The following RBCK1 variants were observed in gnomAD, a reference collection of about 807,000 sequenced individuals.
RBCK1 encodes the protein ranBP-type and C3HC4-type zinc finger-containing protein 1.
RBCK1 carries 44 observed loss-of-function variants against 71.1 expected under a neutral mutation model. The ratio of observed to expected loss-of-function variants is 0.62; its 90% CI spans 0.49 to 0.80. RBCK1 has a LOEUF of 0.80. Ranked by LOEUF, RBCK1 falls within the 30% of genes least tolerant of loss-of-function variation. RBCK1 has a pLI of 0.00. For missense variants in RBCK1, 569 were observed against 685.0 expected, an observed-to-expected ratio of 0.83 and a Z score of 1.89; for synonymous variants, 306 against 279.7, an observed-to-expected ratio of 1.09 and a Z score of -0.94.
At chr20:408,897 A>T (rs1195615593) in intron 1 of RBCK1, 118 bp downstream of exon 1, 1 of 1,199,922 alleles carries the variant, frequency 8.3e-7, no homozygotes, top group Non-Finnish European at 1.2e-6. Context: ...CCCTCCCTCT[A>T]CCCTCCTCCC....
chr20:421,429 G>A (rs774714482), intron 7 of RBCK1, among the ~76,000 whole-genome samples: 42 of 152,198 alleles, frequency 2.8e-4, no homozygotes, highest in Non-Finnish European at 5.0e-4. Context: ...GCGGACCCTT[G>A]TGGAGCCGCC....
chr20:408,847 C>T (rs552054205), intron 1 of RBCK1, 68 bp downstream of exon 1: 22 of 1,560,408 alleles, frequency 1.4e-5, no homozygotes, highest in Admixed American at 1.3e-4. Flanking sequence ...CCTGGCCTTG[C>T]CCCTGGCCAG....
At chr20:427,283 C>A in intron 8 of RBCK1, 30 bp from the exon 9 acceptor site, 1 of 1,609,294 alleles carries the variant, frequency 6.2e-7, no homozygotes, top group Non-Finnish European at 8.5e-7. Flanking sequence ...GTTCTGAATC[C>A]TGAGCAGCAA....
At chr20:424,162 A>G (rs978367807) in intron 8 of RBCK1, among the ~76,000 whole-genome samples, 4 of 152,208 alleles carry the variant, frequency 2.6e-5, no homozygotes, top group Non-Finnish European at 5.9e-5. Context: ...GTGTGTCTGC[A>G]TACGTGTGTG....
chr20:426,816 CTTTT>C (rs768525416), intron 8 of RBCK1, among the ~76,000 whole-genome samples: 32 of 95,470 alleles, frequency 3.4e-4, no homozygotes, highest in African/African-American at 1.1e-3. Flanking sequence ...TTTTCTTTTC[CTTTT>C]TTTTTTTTTT....
In RBCK1 at chr20:422,450, G is replaced by A. The variant is rs1466591275; in HGVS notation, c.1029+212G>A. 1.3e-5 allele frequency among the ~76,000 whole-genome samples: 2 copies of A among 151,948 alleles called. No individual in the cohort carries two copies. Among genetic ancestry groups the A allele is most frequent in the Non-Finnish European group, 2.9e-5 (2 of 68,010 alleles). ...TTCAAGAGCTTTGTCCATGTGGGGTGTTGAGACCCCAAGCAGAAAAAGAAT... is the reference window on the plus strand; with the variant it reads ...TTCAAGAGCTTTGTCCATGTGGGGTATTGAGACCCCAAGCAGAAAAAGAAT... On this transcript the variant is annotated intron_variant, in intron 8 of 11. Coordinates refer to ENST00000356286, the MANE Select transcript of RBCK1 (RefSeq NM_031229.4). This position sits in a 1 kb window ranked among gnomAD's most constrained non-coding sequence, Gnocchi z 5.0.
At chr20:424,633 C>T (rs1297341020) in intron 8 of RBCK1, among the ~76,000 whole-genome samples, 3 of 152,166 alleles carry the variant, frequency 2.0e-5, no homozygotes, top group Non-Finnish European at 4.4e-5. Context: ...GAGGCTCCTT[C>T]GCTCTGGCCT....
Position 408,600 on chromosome 20 carries a change from C to A in RBCK1, c.-158C>A. On this transcript the variant is annotated 5_prime_UTR_variant, in exon 1 of 12. An upstream open reading frame in the 5' UTR gains an earlier in-frame stop. Transcript: ENST00000356286. ...CGGGCAGTGTGATGCTTCCCGACTGCCGCGGGGACAGCGAGGCACACACAG... is the reference window on the plus strand; with the variant it reads ...CGGGCAGTGTGATGCTTCCCGACTGACGCGGGGACAGCGAGGCACACACAG... 1 of 895,192 alleles carries A rather than the reference C, an allele frequency of 1.1e-6. No homozygotes were observed. Among genetic ancestry groups the A allele is most frequent in the Non-Finnish European group, 1.8e-6 (1 of 563,540 alleles). 55.5% of individuals were successfully genotyped at this position (895,192 alleles called of 1,614,324 possible).
intron 8 of RBCK1, among the ~76,000 whole-genome samples, chr20:426,042 C>T (rs1053648396): frequency 3.3e-5 from 5 of 152,164 alleles, no homozygotes; most frequent in Non-Finnish European, 5.9e-5. Context: ...CTCAGTGCTA[C>T]GTACTAGCTT....
chr20:420,093 G>A, intron 6 of RBCK1: 1 of 984,192 alleles, frequency 1.0e-6, no homozygotes, highest in Non-Finnish European at 1.2e-6. Flanking sequence ...CCACACCTCA[G>A]CTCGGACCTC....
intron 2 of RBCK1, chr20:410,591 G>C (rs1434523089): frequency 2.6e-6 from 2 of 778,996 alleles, no homozygotes; most frequent in Non-Finnish European, 4.8e-6. Flanking sequence ...AGCTTGAGGG[G>C]AGACTGTATA....
At position 419,701 on chromosome 20, in the gene RBCK1, C is replaced by A. The variant is rs866809178; in HGVS notation, c.726C>A (p.Gly242=). The part of the protein sequence containing the change: ...PDEEERARLA[G]EEEALRQYQQ... ...AGGAGGAGCGAGCGCGCCTGGCGGG[C>A]GAGGAGGAGGCGCTGCGTCAGTACC... is the stretch of plus-strand genomic sequence containing the variant. The change falls in exon 6 of 12, where the codon GGC becomes GGA. Residue 242 remains glycine (G), a synonymous_variant. Coordinates refer to ENST00000356286, the MANE Select transcript of RBCK1 (RefSeq NM_031229.4). 2 of 1,570,462 alleles carry A rather than the reference C, an allele frequency of 1.3e-6. No homozygotes were observed. Among genetic ancestry groups the A allele is most frequent in the Middle Eastern group, 1.7e-4 (1 of 5,982 alleles).
In RBCK1 at chr20:430,252, G is replaced by A. The variant is rs2016948463; in HGVS notation, c.1453-98G>A. ...GCTGACCAGGCCATTCTTGCAGGAG[G>A]ACCTGCAGAGGCAAAGGCCCGGGGT... On this transcript the variant is annotated intron_variant, in intron 11 of 11. Coordinates refer to ENST00000356286, the MANE Select transcript of RBCK1 (RefSeq NM_031229.4). The surrounding 1 kb of genome is among the most constrained non-coding windows in gnomAD (Gnocchi z 5.6). 3 of 1,052,496 alleles carry A rather than the reference G, an allele frequency of 2.9e-6. No individual in the cohort carries two copies. The highest frequency in any genetic ancestry group is 4.4e-4 in the Middle Eastern group (2 of 4,550). The allele number at this position is 1,052,496 out of a possible 1,614,324, so 65.2% of individuals were successfully genotyped here.
intron 2 of RBCK1, among the ~76,000 whole-genome samples, chr20:413,334 A>G (rs1358782): frequency 0.79 from 120,709 of 151,916 alleles, 48,179 homozygotes; most frequent in East Asian, 0.92. Flanking sequence ...AACAACTGGG[A>G]ATTTTGGTAG....
chr20:412,422 G>A (rs1212252821), intron 2 of RBCK1, among the ~76,000 whole-genome samples: 1 of 151,860 alleles, frequency 6.6e-6, no homozygotes, highest in African/African-American at 2.4e-5. Flanking sequence ...CCAGGTTCAA[G>A]TGATTCTCCT....
Position 422,086 on chromosome 20 carries a change from G to A in RBCK1, c.918-41G>A. 2 of 1,532,104 alleles carry A rather than the reference G, an allele frequency of 1.3e-6. No individual in the cohort carries two copies. The highest frequency in any genetic ancestry group is 2.3e-5 in the East Asian group (1 of 44,368). 94.9% of individuals were successfully genotyped at this position (1,532,104 alleles called of 1,614,324 possible). On this transcript the variant is annotated intron_variant, in intron 7 of 11. Coordinates refer to ENST00000356286, the MANE Select transcript of RBCK1 (RefSeq NM_031229.4). This position sits in a 1 kb window ranked among gnomAD's most constrained non-coding sequence, Gnocchi z 5.0. Reference sequence around the variant, plus strand: ...GAGGGATGGAGTCCCCAGTGAAGGGGGTTCCTATGATCCTAACTCTTTTCC... The same window carrying A: ...GAGGGATGGAGTCCCCAGTGAAGGGAGTTCCTATGATCCTAACTCTTTTCC...
chr20:418,526 G>A (rs564432077), intron 4 of RBCK1, among the ~76,000 whole-genome samples: 7 of 152,152 alleles, frequency 4.6e-5, no homozygotes, highest in African/African-American at 7.2e-5. Flanking sequence ...CCGCCACCAC[G>A]CCCGGCTAAT....
intron 11 of RBCK1, among the ~76,000 whole-genome samples, chr20:429,684 A>G (rs947827054): frequency 3.3e-5 from 5 of 152,202 alleles, no homozygotes; most frequent in Non-Finnish European, 2.9e-5. Flanking sequence ...TTGCTTTTAC[A>G]CTACAGAGGC....
At chr20:421,537 G>A (rs908402054) in intron 7 of RBCK1, among the ~76,000 whole-genome samples, 1 of 152,216 alleles carries the variant, frequency 6.6e-6, no homozygotes, top group African/African-American at 2.4e-5. Flanking sequence ...TTTGTGAATT[G>A]TGTCAAATGC....
Sources: allele counts gnomAD v4.1 joint callset (sites outside exome capture counted in the v4.1 genomes callset), GRCh38; gene constraint gnomAD v4.1.1; non-coding constraint Gnocchi (gnomAD v3.1); transcripts MANE v1.5; gene names NCBI Gene and HGNC (gene_info 2026-07-23, HGNC 2026-07-21).